Variants in WHAMM observed in about 807,000 individuals in gnomAD.
The protein encoded by WHAMM is WASP homolog associated with actin, golgi membranes and microtubules.
In WHAMM, 67 loss-of-function variants were observed where a neutral mutation model predicts 76.5. The observed-to-expected ratio is 0.88, with a 90% CI of 0.72 to 1.07. WHAMM has a LOEUF of 1.07. Among genes scored for constraint, WHAMM ranks in the 50% least tolerant of loss-of-function variants. WHAMM has a pLI of 0.00. For missense variants in WHAMM, 1,021 were observed against 1,051.1 expected (o/e 0.97, Z 0.40); for synonymous variants, 419 against 422.1 (o/e 0.99, Z 0.09).
intron 6 of WHAMM, among the ~76,000 whole-genome samples, chr15:82,823,714 C>T (rs1172283673): frequency 1.3e-5 from 2 of 152,056 alleles, no homozygotes; most frequent in South Asian, 2.1e-4. Context: ...TACAGGCACG[C>T]GCCAGCACGC....
intron 2 of WHAMM, among the ~76,000 whole-genome samples, chr15:82,813,479 C>A (rs2050664967): frequency 6.6e-6 from 1 of 151,952 alleles, no homozygotes; most frequent in African/African-American, 2.4e-5. Context: ...GCAGTCTGTC[C>A]ACCTTGGCCT....
Position 82,810,249 on chromosome 15 carries a change from G to C in WHAMM, c.523G>C (p.Gly175Arg). The change falls in exon 1 of 10, where the codon GGC becomes CGC. Residue 175 changes from glycine (G) to arginine (R), a missense_variant. By Grantham distance (125) the Gly-to-Arg change is moderately radical. This residue lies in a region of WHAMM where 501 missense variants were observed against 524.9 expected (regional missense o/e 0.95). Coordinates refer to ENST00000286760, the MANE Select transcript of WHAMM (RefSeq NM_001080435.3). ...VRDALFPAEG[G>R]AADCESPREF... is the part of the protein sequence containing the mutation. ...CGACGCACTCTTCCCGGCTGAGGGC[G>C]GCGCGGCCGACTGCGAAAGCCCGCG... The C allele has an allele frequency of 7.2e-7, 1 of 1,391,572 alleles. No individual in the cohort carries two copies. Among genetic ancestry groups the C allele is most frequent in the Non-Finnish European group, 9.3e-7 (1 of 1,074,198 alleles). 86.2% of individuals were successfully genotyped at this position (1,391,572 alleles called of 1,614,324 possible).
At chr15:82,821,083 C>T (rs2050818402) in intron 5 of WHAMM, among the ~76,000 whole-genome samples, 1 of 152,026 alleles carries the variant, frequency 6.6e-6, no homozygotes, top group African/African-American at 2.4e-5. Context: ...GTTTACGAGC[C>T]ATTTGTACTT....
rs763987009 is a variant in WHAMM, at chr15:82,830,758, G to C, written c.1801G>C (p.Ala601Pro). ...RKTRGVPLSE[A>P]GNVKSPKCQN... ...AACTAGAGGTGTTCCCCTATCGGAA[G>C]CTGGTAATGTGAAAAGCCCCAAGTG... Residue 601 changes from alanine to proline, a missense_variant, in exon 9 of 10, where the codon GCT becomes CCT. Physicochemically the swap from Ala to Pro is conservative, Grantham distance 27 (BLOSUM62 -1). This residue lies in a region of WHAMM where 509 missense variants were observed against 492.3 expected (regional missense o/e 1.03). Coordinates refer to ENST00000286760, the MANE Select transcript of WHAMM (RefSeq NM_001080435.3). 8.1e-6 allele frequency: 13 copies of C among 1,613,984 alleles called. No individual in the cohort carries two copies. The highest frequency in any genetic ancestry group is 1.0e-5 in the Non-Finnish European group (12 of 1,179,878).
chr15:82,831,686 T>C (rs1413039716), intron 9 of WHAMM, among the ~76,000 whole-genome samples: 1 of 152,216 alleles, frequency 6.6e-6, no homozygotes, highest in Non-Finnish European at 1.5e-5. Flanking sequence ...GTTTCTTTAA[T>C]AGGGCTATAG....
Position 82,810,320 on chromosome 15 carries a change from C to G in WHAMM, c.594C>G (p.Asp198Glu), listed in dbSNP as rs1170777972. The G allele has an allele frequency of 1.5e-6, 2 of 1,312,230 alleles. No homozygotes were observed. The highest frequency in any genetic ancestry group is 4.4e-5 in the South Asian group (2 of 45,308). 81.3% of individuals were successfully genotyped at this position (1,312,230 alleles called of 1,614,324 possible). A position where few individuals can be genotyped will look rare whatever the true frequency, so the allele number is the denominator to read the frequency against. Reference protein sequence around the residue: ...RALRARWVEADARLRQVIQGH... With the variant: ...RALRARWVEAEARLRQVIQGH... ...TGCGCGCGCGGTGGGTCGAGGCGGA[C>G]GCGCGGCTGCGCCAGGTAAGCGAGG... Residue 198 changes from aspartate to glutamate, a missense_variant, in exon 1 of 10, where the codon GAC becomes GAG. Around this residue, in one of 3 missense-constraint regions of WHAMM, gnomAD observed 501 missense variants for 524.9 expected, o/e 0.95. Coordinates refer to ENST00000286760, the MANE Select transcript of WHAMM (RefSeq NM_001080435.3).
At chr15:82,832,413 C>T (rs956264772) in intron 9 of WHAMM, among the ~76,000 whole-genome samples, 1 of 152,152 alleles carries the variant, frequency 6.6e-6, no homozygotes, top group East Asian at 1.9e-4. Context: ...TGGAAGATCT[C>T]TAAATTAGTG....
rs975465938 is a variant in WHAMM at position 82,826,611 on chromosome 15, C to T, written c.1545+115C>T. 2.5e-6 allele frequency: 4 copies of T among 1,584,384 alleles called. No homozygotes were observed. The African/African-American group carries it at 4.0e-5, about 16-fold the overall frequency. ...ACCTGCAGCTGTCAGCCATTAGCCT[C>T]CAGGTCTGCAGCCTGGGCGCAGCCT... On this transcript the variant is annotated intron_variant, in intron 7 of 9. Coordinates refer to ENST00000286760, the MANE Select transcript of WHAMM (RefSeq NM_001080435.3).
chr15:82,813,453 G>C (rs1403788347), intron 2 of WHAMM, among the ~76,000 whole-genome samples, 177 bp downstream of exon 2: 1 of 151,850 alleles, frequency 6.6e-6, no homozygotes, highest in Non-Finnish European at 1.5e-5. Flanking sequence ...GGCTGGTTTC[G>C]AACTCCTGAG....
In WHAMM at chr15:82,836,005, A is replaced by G. The variant is rs1228649224; in HGVS notation, c.*2469A>G. ...TACCAGCGAGCTTAATCAGGCTAAA[A>G]TAATTCTCAGAATTTGCTTTCTAAG... is the stretch of plus-strand genomic sequence containing the variant. On this transcript the variant is annotated 3_prime_UTR_variant, in exon 10 of 10. Coordinates refer to ENST00000286760, the MANE Select transcript of WHAMM (RefSeq NM_001080435.3). The G allele has an allele frequency of 1.3e-5, 2 of 152,284 alleles. No individual in the cohort carries two copies. Among genetic ancestry groups the G allele is most frequent in the African/African-American group, 2.4e-5 (1 of 41,480 alleles). The allele number at this position is 152,284 out of a possible 1,614,324, so 9.4% of individuals were successfully genotyped here.
Position 82,810,651 on chromosome 15 carries a change from T to C in WHAMM, c.609+316T>C, listed in dbSNP as rs191437285. 69 of 985,412 alleles carry C rather than the reference T, an allele frequency of 7.0e-5. No homozygotes were observed. The East Asian group carries it at 7.0e-3, about 100-fold the overall frequency. The allele number at this position is 985,412 out of a possible 1,614,324, so 61.0% of individuals were successfully genotyped here. ...ATGTTGTAACAGGAAATGCCAGAAA[T>C]ATTGCAAGCAAGACTGAAAACAACC... On this transcript the variant is annotated intron_variant, in intron 1 of 9. Coordinates refer to ENST00000286760, the MANE Select transcript of WHAMM (RefSeq NM_001080435.3).
At chr15:82,826,362 C>G (rs773929106) in intron 6 of WHAMM, 48 bp from the exon 7 acceptor site, 1 of 1,587,172 alleles carries the variant, frequency 6.3e-7, no homozygotes, top group East Asian at 2.2e-5. Flanking sequence ...TTATGCTATA[C>G]CAGGGTAATA....
chr15:82,815,554 G>A (rs902743398), intron 2 of WHAMM, among the ~76,000 whole-genome samples: 21 of 152,206 alleles, frequency 1.4e-4, no homozygotes, highest in African/African-American at 4.8e-4. Flanking sequence ...GTAGACATAT[G>A]TTTTCATTGC....
At chr15:82,817,338 T>C (rs1402121940) in intron 3 of WHAMM, among the ~76,000 whole-genome samples, 4 of 152,126 alleles carry the variant, frequency 2.6e-5, no homozygotes, top group Non-Finnish European at 2.9e-5. Flanking sequence ...TGAGGGAAAA[T>C]GCTGGCCAGA....
chr15:82,810,376 T>C (rs1369173678), intron 1 of WHAMM, 41 bp downstream of exon 1: 2 of 1,284,508 alleles, frequency 1.6e-6, no homozygotes, highest in African/African-American at 3.1e-5. Flanking sequence ...CGCGCTTCCA[T>C]GGCCTGGGAC....
chr15:82,814,747 C>T (rs2151558238), intron 2 of WHAMM, among the ~76,000 whole-genome samples: 1 of 149,052 alleles, frequency 6.7e-6, no homozygotes, highest in East Asian at 2.0e-4. Context: ...CCACCACACC[C>T]AGCCTATATT....
chr15:82,816,615 C>T, intron 2 of WHAMM, 77 bp from the exon 3 acceptor site: 1 of 1,376,852 alleles, frequency 7.3e-7, no homozygotes, highest in Non-Finnish European at 9.7e-7. Flanking sequence ...ATCCATGTGA[C>T]CAATTTCCTT....
chr15:82,834,612 G>A lies in WHAMM; in HGVS notation c.*1076G>A, dbSNP rs1380201510. 6.6e-6 allele frequency: 1 copy of A among 152,640 alleles called. No individual in the cohort carries two copies. Among genetic ancestry groups the A allele is most frequent in the East Asian group, 1.9e-4 (1 of 5,202 alleles). The allele number at this position is 152,640 out of a possible 1,614,324, so 9.5% of individuals were successfully genotyped here. The stretch of plus-strand genomic sequence containing the variant: ...ATTTCTCAGATTTGTAGGCTTGAAT[G>A]TGAATGTTATTTTATCAGTAATCAG... On this transcript the variant is annotated 3_prime_UTR_variant, in exon 10 of 10. Coordinates refer to ENST00000286760, the MANE Select transcript of WHAMM (RefSeq NM_001080435.3).
chr15:82,816,251 A>G (rs2050723954), intron 2 of WHAMM, among the ~76,000 whole-genome samples: 1 of 152,218 alleles, frequency 6.6e-6, no homozygotes, highest in Non-Finnish European at 1.5e-5. Flanking sequence ...TATAAGCATG[A>G]ATATACAGAT....
Sources: gnomAD v4.1 joint callset for allele counts (sites outside exome capture counted in the v4.1 genomes callset) on GRCh38, gnomAD v4.1.1 for gene constraint, gnomAD v4.1.1 regional missense constraint, MANE v1.5 for transcripts, NCBI Gene and HGNC (gene_info 2026-07-23, HGNC 2026-07-21) for gene names.